The following SPOCK1 variants were observed in gnomAD, a reference collection of about 807,000 sequenced individuals.
SPOCK1 encodes the protein SPARC (osteonectin), cwcv and kazal like domains proteoglycan 1.
A neutral mutation model predicts 55.3 loss-of-function variants in SPOCK1; 23 were observed. The observed-to-expected ratio is 0.42, with a 90% CI of 0.30 to 0.59. SPOCK1 has a LOEUF of 0.59. SPOCK1 is among the 20% of genes least tolerant of loss of function. SPOCK1 has a pLI of 0.22. For missense variants in SPOCK1, 499 were observed against 552.5 expected (o/e 0.90, Z 0.97); for synonymous variants, 226 against 221.0 (o/e 1.02, Z -0.20).
At chr5:137,067,901 A>G (rs900766319) in intron 5 of SPOCK1, 72 bp from the exon 6 acceptor site, 13 of 1,260,758 alleles carry the variant, frequency 1.0e-5, no homozygotes, top group Non-Finnish European at 1.4e-5. Flanking sequence ...CCTAAGAAAC[A>G]GCAGTGCCCT....
chr5:137,301,007 G>A (rs1000395244), intron 2 of SPOCK1, among the ~76,000 whole-genome samples: 2 of 152,142 alleles, frequency 1.3e-5, no homozygotes, highest in African/African-American at 4.8e-5. Flanking sequence ...AAGACCATGT[G>A]GTCTTAATAA....
chr5:137,056,728 A>G (rs992628834), intron 6 of SPOCK1, among the ~76,000 whole-genome samples: 12 of 151,970 alleles, frequency 7.9e-5, no homozygotes, highest in African/African-American at 2.7e-4. Flanking sequence ...ACTTCCACAC[A>G]TGACTTGGTG....
At chr5:137,261,781 C>T (rs1403048641) in intron 3 of SPOCK1, among the ~76,000 whole-genome samples, 1 of 152,194 alleles carries the variant, frequency 6.6e-6, no homozygotes, top group African/African-American at 2.4e-5. Flanking sequence ...ACCCACTTGT[C>T]TCAGGAAAGT....
chr5:137,352,532 G>A lies in SPOCK1; in HGVS notation c.187-85477C>T, dbSNP rs371677217. ...TGCATATGACTGTCCTTCCCTGGAA[G>A]GATTAAACCACATCTGTTACAGAGC... On this transcript the variant is annotated intron_variant, in intron 2 of 10. Coordinates refer to ENST00000394945, the MANE Select transcript of SPOCK1 (RefSeq NM_004598.4). 2.6e-5 allele frequency among the ~76,000 whole-genome samples: 4 copies of A among 152,292 alleles called. No homozygotes were observed. In the East Asian group the frequency reaches 7.7e-4, roughly 29 times the overall value.
At chr5:137,123,512 A>G (rs899275595) in intron 4 of SPOCK1, among the ~76,000 whole-genome samples, 2 of 152,202 alleles carry the variant, frequency 1.3e-5, no homozygotes, top group African/African-American at 4.8e-5. Flanking sequence ...TTGTACAGAC[A>G]AGATGCTCAA....
rs927862643 is a variant in SPOCK1 at position 137,322,515 on chromosome 5, A to G, written c.187-55460T>C. Among the ~76,000 whole-genome samples the G allele has an allele frequency of 2.6e-5, 4 of 152,368 alleles. No homozygotes were observed. In the South Asian group the frequency reaches 8.3e-4, roughly 32 times the overall value. ...AAAGGTATGTTAATGGATACACAAT[A>G]CAAAAGATGTAATTTGTGACAATAA... is the stretch of plus-strand genomic sequence containing the variant. On this transcript the variant is annotated intron_variant, in intron 2 of 10. Transcript: ENST00000394945.
chr5:137,102,815 G>A (rs1580751603), intron 5 of SPOCK1, among the ~76,000 whole-genome samples: 1 of 152,124 alleles, frequency 6.6e-6, no homozygotes, highest in African/African-American at 2.4e-5. Flanking sequence ...AGAGCTAGAT[G>A]AAATAATACA....
chr5:137,262,516 G>A (rs1486552799), intron 3 of SPOCK1, among the ~76,000 whole-genome samples: 1 of 152,226 alleles, frequency 6.6e-6, no homozygotes, highest in Middle Eastern at 3.2e-3. Flanking sequence ...TTGGATGGAT[G>A]TCTCTGAGGA....
At chr5:137,463,873 G>A (rs552170691) in intron 2 of SPOCK1, among the ~76,000 whole-genome samples, 4 of 152,028 alleles carry the variant, frequency 2.6e-5, no homozygotes, top group African/African-American at 4.8e-5. Flanking sequence ...ACTTGAACTC[G>A]GGATGCAGAG....
chr5:137,255,270 C>T (rs1220132204), intron 3 of SPOCK1, among the ~76,000 whole-genome samples: 1 of 152,154 alleles, frequency 6.6e-6, no homozygotes, highest in East Asian at 1.9e-4. Context: ...ACTATGAATA[C>T]CTGTATTTCT....
intron 3 of SPOCK1, among the ~76,000 whole-genome samples, chr5:137,179,912 C>T (rs188352069): frequency 6.6e-6 from 1 of 152,220 alleles, no homozygotes; most frequent in Non-Finnish European, 1.5e-5. Context: ...CCCCTCCTAC[C>T]TTGCCACTGC....
At chr5:137,035,666 C>T (rs754663082) in intron 6 of SPOCK1, among the ~76,000 whole-genome samples, 17 of 152,116 alleles carry the variant, frequency 1.1e-4, no homozygotes, top group Non-Finnish European at 1.8e-4. Context: ...CTCATGCCCT[C>T]CCCCTTGTCA....
At chr5:137,430,608 C>T (rs975697911) in intron 2 of SPOCK1, among the ~76,000 whole-genome samples, 1 of 152,156 alleles carries the variant, frequency 6.6e-6, no homozygotes, top group Non-Finnish European at 1.5e-5. Context: ...ACCTTTTATC[C>T]ACCTCTCCTG....
At chr5:137,326,576 C>T (rs979947435) in intron 2 of SPOCK1, among the ~76,000 whole-genome samples, 7 of 152,118 alleles carry the variant, frequency 4.6e-5, no homozygotes, top group Admixed American at 2.6e-4. Flanking sequence ...CCCCAATGTG[C>T]CAGGAATTTA....
chr5:137,144,305 T>C (rs927965927), intron 3 of SPOCK1, among the ~76,000 whole-genome samples: 1 of 152,116 alleles, frequency 6.6e-6, no homozygotes, highest in Non-Finnish European at 1.5e-5. Flanking sequence ...CACCCTCCAC[T>C]TCTGGAAGCT....
intron 9 of SPOCK1, among the ~76,000 whole-genome samples, chr5:136,980,956 A>C (rs1195151108): frequency 6.6e-6 from 1 of 152,050 alleles, no homozygotes; most frequent in East Asian, 1.9e-4. Context: ...GTTTTGATTT[A>C]CCTGGGTCTT....
chr5:137,079,329 A>C (rs1175850324), intron 5 of SPOCK1, among the ~76,000 whole-genome samples: 4 of 152,226 alleles, frequency 2.6e-5, no homozygotes, highest in Non-Finnish European at 5.9e-5. Flanking sequence ...CATGGGCAGG[A>C]GGATGGAGGG....
intron 3 of SPOCK1, among the ~76,000 whole-genome samples, chr5:137,176,097 G>A (rs772945065): frequency 3.9e-5 from 6 of 152,076 alleles, no homozygotes; most frequent in Non-Finnish European, 7.3e-5. Context: ...TCTTCCTAAT[G>A]ACTGAATTAA....
intron 3 of SPOCK1, among the ~76,000 whole-genome samples, chr5:137,186,946 G>C (rs1384171324): frequency 6.6e-6 from 1 of 152,106 alleles, no homozygotes; most frequent in African/African-American, 2.4e-5. Context: ...CTTGGCCCCT[G>C]ATCATGTCTC....
Sources: gnomAD v4.1 joint callset for allele counts (sites outside exome capture counted in the v4.1 genomes callset) on GRCh38, gnomAD v4.1.1 for gene constraint, MANE v1.5 for transcripts, NCBI Gene and HGNC (gene_info 2026-07-23, HGNC 2026-07-21) for gene names.